SNPH: variants seen among roughly 807,000 people sequenced by gnomAD.
The protein encoded by SNPH is syntaphilin.
Under a neutral mutation model 36.8 loss-of-function variants are expected in SNPH, and 10 were observed. That is an observed-to-expected ratio of 0.27 (90% CI 0.17 to 0.46). SNPH has a LOEUF of 0.46. Ranked by LOEUF, SNPH falls within the 20% of genes least tolerant of loss-of-function variation. The probability of loss-of-function intolerance (pLI) is 1.00; values close to 1 mark genes in which losing one functional copy is unlikely to be tolerated. For missense variants in SNPH, 622 were observed against 744.0 expected (o/e 0.84, Z 1.91); for synonymous variants, 281 against 312.2 (o/e 0.90, Z 1.05).
rs1334100995 is a variant in SNPH at position 1,270,010 on chromosome 20, T to G, written c.-493+3250T>G. Among the ~76,000 whole-genome samples, 5 of 152,050 alleles carry G rather than the reference T, an allele frequency of 3.3e-5. No homozygotes were observed. In the Middle Eastern group the frequency reaches 0.01, roughly 310 times the overall value. ...TGCACTGGACTGGGTGTCCAAAGGG[T>G]TGCTTTTAGTCTGAGCCCTCTCAAT... is the stretch of plus-strand genomic sequence containing the variant. On this transcript the variant is annotated intron_variant, in intron 2 of 6. Coordinates refer to ENST00000381867, the MANE Select transcript of SNPH (RefSeq NM_001318234.2).
At position 1,297,264 on chromosome 20, in the gene SNPH, C is replaced by T. The variant is rs771403507; in HGVS notation, c.290+12C>T. On this transcript the variant is annotated intron_variant, in intron 5 of 6. Transcript: ENST00000381867. ...AGTCCCACGCCAAGGTAATTGGCCC[C>T]TCCTCTCTGGGCCTGGCCCTGCTGG... 2.5e-6 allele frequency: 4 copies of T among 1,609,630 alleles called. No homozygotes were observed. Among genetic ancestry groups the T allele is most frequent in the East Asian group, 2.2e-5 (1 of 44,770 alleles).
Position 1,305,685 on chromosome 20 carries a change from G to A in SNPH, c.1248G>A (p.Glu416=), listed in dbSNP as rs2088565320. ...NSAVVVTVGD[E]LEAPEPITRG... is the part of the protein sequence containing the mutation. ...CAGTGGTGGTGACAGTGGGTGATGAGCTAGAGGCCCCAGAGCCCATCACCC... is the reference window on the plus strand; with the variant it reads ...CAGTGGTGGTGACAGTGGGTGATGAACTAGAGGCCCCAGAGCCCATCACCC... Residue 416 remains glutamate, a synonymous_variant, in exon 7 of 7, where the codon GAG becomes GAA. Coordinates refer to ENST00000381867, the MANE Select transcript of SNPH (RefSeq NM_001318234.2). 6.2e-7 allele frequency: 1 copy of A among 1,611,076 alleles called. No individual in the cohort carries two copies. Among genetic ancestry groups the A allele is most frequent in the African/African-American group, 1.3e-5 (1 of 74,944 alleles).
chr20:1,269,564 G>A (rs1414718512), intron 2 of SNPH, among the ~76,000 whole-genome samples: 4 of 152,208 alleles, frequency 2.6e-5, no homozygotes, highest in African/African-American at 9.7e-5. Context: ...GCACTTGCAG[G>A]TGGGAACAGG....
chr20:1,300,678 G>A lies in SNPH; in HGVS notation c.407G>A (p.Arg136Gln), dbSNP rs770044731. The part of the protein sequence containing the change: ...KEVCIRHLKA[R>Q]LKDTQDRLQD... ...GTGTGCATCCGGCACCTGAAAGCCC[G>A]GCTGAAGGACACACAGGACCGGCTC... The change falls in exon 6 of 7, where the codon CGG becomes CAG. Residue 136 changes from arginine (R) to glutamine (Q), a missense_variant. Around this residue, in one of 3 missense-constraint regions of SNPH, gnomAD observed 187 missense variants for 209.4 expected, o/e 0.89. Transcript: ENST00000381867. 148 of 1,612,398 alleles carry A rather than the reference G, an allele frequency of 9.2e-5. No individual in the cohort carries two copies. The highest frequency in any genetic ancestry group is 1.1e-4 in the Non-Finnish European group (135 of 1,179,986).
intron 4 of SNPH, 130 bp downstream of exon 4, chr20:1,296,551 A>G (rs572825503): frequency 2.2e-4 from 174 of 788,984 alleles, no homozygotes; most frequent in Admixed American, 5.7e-4. Flanking sequence ...CTTTAAAATG[A>G]GCTTGCTAAC....
intron 2 of SNPH, among the ~76,000 whole-genome samples, chr20:1,286,875 G>C (rs2088290294): frequency 1.3e-5 from 2 of 152,328 alleles, no homozygotes; most frequent in Non-Finnish European, 2.9e-5. Context: ...GTCGCAGGCA[G>C]AGCAGATGAC....
intron 2 of SNPH, among the ~76,000 whole-genome samples, chr20:1,281,553 G>A (rs1479073795): frequency 6.6e-6 from 1 of 152,160 alleles, no homozygotes; most frequent in Non-Finnish European, 1.5e-5. Flanking sequence ...GCCCCCTGTA[G>A]CTCTCTTACT....
In SNPH at chr20:1,281,239, C is replaced by G. The variant is rs1272774566; in HGVS notation, c.-492-13712C>G. 3.9e-5 allele frequency among the ~76,000 whole-genome samples: 6 copies of G among 152,148 alleles called. No homozygotes were observed. In the South Asian group the frequency reaches 1.2e-3, roughly 32 times the overall value. The stretch of plus-strand genomic sequence containing the variant: ...AAGCCACCTTTACTTCTGTCACCTC[C>G]TCACCTCCACTCTCATTTTAACCTC... On this transcript the variant is annotated intron_variant, in intron 2 of 6. Transcript: ENST00000381867.
At chr20:1,277,606 GTGTC>G (rs1467411660) in intron 2 of SNPH, among the ~76,000 whole-genome samples, 8 of 124,856 alleles carry the variant, frequency 6.4e-5, no homozygotes, top group Non-Finnish European at 1.0e-4. Flanking sequence ...GTCTCTGTGT[GTGTC>G]TGTGTATGTG....
intron 2 of SNPH, among the ~76,000 whole-genome samples, chr20:1,277,799 CTG>C (rs917823981): frequency 2.0e-5 from 2 of 98,892 alleles, no homozygotes; most frequent in Non-Finnish European, 2.1e-5. Context: ...GTATGTGTGC[CTG>C]TGTGTGTCTG....
intron 2 of SNPH, among the ~76,000 whole-genome samples, chr20:1,277,671 CGT>C (rs1184825644): frequency 6.8e-5 from 2 of 29,484 alleles, no homozygotes; most frequent in Non-Finnish European, 1.4e-4. Flanking sequence ...TGTGTGTGTC[CGT>C]GTGTGTCCAT....
chr20:1,305,612 G>A lies in SNPH; in HGVS notation c.1175G>A (p.Cys392Tyr). The A allele has an allele frequency of 6.2e-7, 1 of 1,613,582 alleles. No homozygotes were observed. Among genetic ancestry groups the A allele is most frequent in the African/African-American group, 1.3e-5 (1 of 75,080 alleles). The change falls in exon 7 of 7, where the codon TGC becomes TAC. Residue 392 changes from cysteine (C) to tyrosine (Y), a missense_variant. This residue lies in a region of SNPH where 379 missense variants were observed against 427.9 expected (regional missense o/e 0.89). Transcript: ENST00000381867. Reference sequence around the variant, plus strand: ...ACAGACCCTGAGTCAGGGGACAGGTGCCCAGAGCTGGATGCCCACCCTTCA... The same window carrying A: ...ACAGACCCTGAGTCAGGGGACAGGTACCCAGAGCTGGATGCCCACCCTTCA... ...CGTDPESGDR[C>Y]PELDAHPSGP... is the part of the protein sequence containing the mutation.
intron 5 of SNPH, among the ~76,000 whole-genome samples, chr20:1,299,213 C>T (rs774068816): frequency 1.3e-5 from 2 of 152,160 alleles, no homozygotes; most frequent in Non-Finnish European, 2.9e-5. Flanking sequence ...CATACAGCTT[C>T]CATGGAACTT....
At chr20:1,273,097 G>A (rs560261300) in intron 2 of SNPH, among the ~76,000 whole-genome samples, 8 of 152,316 alleles carry the variant, frequency 5.3e-5, no homozygotes, top group African/African-American at 1.7e-4. Context: ...TGGAAGCCAC[G>A]CCGGCCTTGC....
In SNPH at chr20:1,306,327, C is replaced by T. The variant is rs956957086; in HGVS notation, c.*273C>T. Reference sequence around the variant, plus strand: ...GGAGGGGAGGGAGCGAGGGCCAACCCGGCCCCTCTGTCCCCTTGGCTCTTC... The same window carrying T: ...GGAGGGGAGGGAGCGAGGGCCAACCTGGCCCCTCTGTCCCCTTGGCTCTTC... On this transcript the variant is annotated 3_prime_UTR_variant, in exon 7 of 7. Coordinates refer to ENST00000381867, the MANE Select transcript of SNPH (RefSeq NM_001318234.2). The T allele has an allele frequency of 2.0e-4, 72 of 367,840 alleles. No individual in the cohort carries two copies. The highest frequency in any genetic ancestry group is 1.1e-3 in the African/African-American group (52 of 47,246). The allele number at this position is 367,840 out of a possible 1,614,324, so 22.8% of individuals were successfully genotyped here.
Position 1,304,440 on chromosome 20 carries a change from A to G in SNPH, c.441-438A>G, listed in dbSNP as rs773304828. ...GTAGTAGGAGGCTACATCACTTTCTATAGAGCAGAGATTTCCTGCCTAGTT... is the reference window on the plus strand; with the variant it reads ...GTAGTAGGAGGCTACATCACTTTCTGTAGAGCAGAGATTTCCTGCCTAGTT... On this transcript the variant is annotated intron_variant, in intron 6 of 6. Transcript: ENST00000381867. The surrounding 1 kb of genome is among the most constrained non-coding windows in gnomAD (Gnocchi z 4.3). Among the ~76,000 whole-genome samples the G allele has an allele frequency of 1.1e-4, 16 of 152,192 alleles. No homozygotes were observed. Among genetic ancestry groups the G allele is most frequent in the Admixed American group, 8.5e-4 (13 of 15,278 alleles).
At position 1,266,895 on chromosome 20, in the gene SNPH, T is replaced by C; in HGVS notation, c.-493+135T>C. 1.7e-6 allele frequency: 2 copies of C among 1,194,352 alleles called. No homozygotes were observed. Among genetic ancestry groups the C allele is most frequent in the Non-Finnish European group, 2.1e-6 (2 of 947,496 alleles). The allele number at this position is 1,194,352 out of a possible 1,614,324, so 74.0% of individuals were successfully genotyped here. ...AGAGGGGTTAATCGTGACTCATTCTTACCCTCCCTTCATTCCCCTACATCC... is the reference window on the plus strand; with the variant it reads ...AGAGGGGTTAATCGTGACTCATTCTCACCCTCCCTTCATTCCCCTACATCC... On this transcript the variant is annotated intron_variant, in intron 2 of 6. Coordinates refer to ENST00000381867, the MANE Select transcript of SNPH (RefSeq NM_001318234.2). This position sits in a 1 kb window ranked among gnomAD's most constrained non-coding sequence, Gnocchi z 6.0.
chr20:1,291,761 G>A (rs912108), intron 2 of SNPH, among the ~76,000 whole-genome samples: 42,541 of 152,100 alleles, frequency 0.28, 6,411 homozygotes, highest in South Asian at 0.37. Context: ...TGTATCAATG[G>A]CTAATTCTTT....
intron 5 of SNPH, among the ~76,000 whole-genome samples, chr20:1,299,875 G>A (rs376201527): frequency 1.3e-5 from 2 of 152,226 alleles, no homozygotes; most frequent in African/African-American, 2.4e-5. Flanking sequence ...GCTCACCCAC[G>A]TGTACGCAGT....
Sources: allele counts gnomAD v4.1 joint callset (sites outside exome capture counted in the v4.1 genomes callset), GRCh38; gene constraint gnomAD v4.1.1; regional missense constraint gnomAD v4.1.1; non-coding constraint Gnocchi (gnomAD v3.1); transcripts MANE v1.5; gene names NCBI Gene and HGNC (gene_info 2026-07-23, HGNC 2026-07-21).